Variants in MCUB observed in about 807,000 individuals in gnomAD.
The protein encoded by MCUB is mitochondrial calcium uniporter dominant negative subunit beta.
MCUB carries 46 observed loss-of-function variants against 41.4 expected under a neutral mutation model. The ratio of observed to expected loss-of-function variants is 1.11; its 90% CI spans 0.88 to 1.42. The LOEUF (loss-of-function observed/expected upper bound fraction) is 1.42, where lower values mean the gene tolerates loss of function less well. Among genes scored for constraint, MCUB ranks in the 40% most tolerant of loss-of-function variants. The pLI, the probability that MCUB is intolerant of heterozygous loss-of-function variation, is 0.00. For missense variants in MCUB, 403 were observed against 404.9 expected (o/e 1.00, Z 0.04); for synonymous variants, 148 against 148.2 (o/e 1.00, Z 0.01).
chr4:109,585,204 G>A (rs574081257), intron 1 of MCUB, among the ~76,000 whole-genome samples: 2 of 152,076 alleles, frequency 1.3e-5, no homozygotes, highest in Non-Finnish European at 2.9e-5. Context: ...TTAGGCAATG[G>A]CCTTCTTTGT....
chr4:109,682,716 A>G lies in MCUB; in HGVS notation c.586A>G (p.Lys196Glu). 1 of 1,613,890 alleles carries G rather than the reference A, an allele frequency of 6.2e-7. No homozygotes were observed. The highest frequency in any genetic ancestry group is 8.5e-7 in the Non-Finnish European group (1 of 1,179,796). The change falls in exon 5 of 8, where the codon AAG becomes GAG. Residue 196 changes from lysine to glutamate, a missense_variant. By Grantham distance (56) the Lys-to-Glu change is moderately conservative. Transcript: ENST00000394650. ...HHLLEKIDHL[K>E]EQLQPLEQVK... The stretch of plus-strand genomic sequence containing the variant: ...TTTACTGGAGAAAATTGACCACCTG[A>G]AGGAACAGCTGCAGCCCCTTGAACA...
intron 1 of MCUB, among the ~76,000 whole-genome samples, chr4:109,589,954 C>G (rs897125588): frequency 5.3e-5 from 8 of 152,158 alleles, no homozygotes; most frequent in Non-Finnish European, 1.5e-5. Context: ...GTGTTTCTTT[C>G]CTCTAGTTGA....
intron 1 of MCUB, among the ~76,000 whole-genome samples, chr4:109,592,445 A>G (rs1472936597): frequency 1.3e-5 from 2 of 151,976 alleles, no homozygotes; most frequent in Non-Finnish European, 2.9e-5. Context: ...ATATTTATGT[A>G]TGTTTTATAA....
At chr4:109,579,131 T>C (rs1318744758) in intron 1 of MCUB, among the ~76,000 whole-genome samples, 1 of 152,224 alleles carries the variant, frequency 6.6e-6, no homozygotes, top group Admixed American at 6.5e-5. Flanking sequence ...TCAGGGACCA[T>C]GTGTGATACT....
intron 1 of MCUB, among the ~76,000 whole-genome samples, chr4:109,637,235 C>T: frequency 6.6e-6 from 1 of 152,112 alleles, no homozygotes; most frequent in African/African-American, 2.4e-5. Context: ...AATGTGTCAG[C>T]CCTATGGGGA....
chr4:109,624,915 G>A (rs1728329688), intron 1 of MCUB, among the ~76,000 whole-genome samples: 1 of 152,134 alleles, frequency 6.6e-6, no homozygotes, highest in Admixed American at 6.6e-5. Context: ...CAAGGTGGGT[G>A]GATCATTTGA....
At chr4:109,623,374 T>C (rs1728293920) in intron 1 of MCUB, among the ~76,000 whole-genome samples, 1 of 152,212 alleles carries the variant, frequency 6.6e-6, no homozygotes, top group Non-Finnish European at 1.5e-5. Flanking sequence ...GATGATCCTA[T>C]TATACACAAG....
chr4:109,642,098 T>G (rs1728727474), intron 1 of MCUB, among the ~76,000 whole-genome samples: 1 of 152,154 alleles, frequency 6.6e-6, no homozygotes, highest in Non-Finnish European at 1.5e-5. Flanking sequence ...ATTTTTGGAG[T>G]TGTTTTTGGA....
chr4:109,612,162 A>G (rs892633412), intron 1 of MCUB, among the ~76,000 whole-genome samples: 3 of 151,682 alleles, frequency 2.0e-5, no homozygotes, highest in Non-Finnish European at 2.9e-5. Flanking sequence ...TTGTTTTCCT[A>G]TTGAGGGCTC....
At chr4:109,598,784 A>G (rs1164728256) in intron 1 of MCUB, among the ~76,000 whole-genome samples, 2 of 152,236 alleles carry the variant, frequency 1.3e-5, no homozygotes, top group East Asian at 3.8e-4. Context: ...TCCTTTTAAA[A>G]TACATATATG....
At chr4:109,564,817 G>A (rs533448632) in intron 1 of MCUB, among the ~76,000 whole-genome samples, 2 of 152,344 alleles carry the variant, frequency 1.3e-5, no homozygotes, top group South Asian at 2.1e-4. Context: ...TTTAGAGCAG[G>A]TGAGGGCAGC....
At position 109,660,377 on chromosome 4, in the gene MCUB, T is replaced by C; in HGVS notation, c.346+12T>C. ...CATCTTCACAGCAGGTATATATGTA[T>C]ATAATTTTACAACTTTGTCCCAGGG... On this transcript the variant is annotated intron_variant, in intron 3 of 7. Coordinates refer to ENST00000394650, the MANE Select transcript of MCUB (RefSeq NM_017918.5). 4.0e-6 allele frequency: 6 copies of C among 1,514,268 alleles called. No individual in the cohort carries two copies. Among genetic ancestry groups the C allele is most frequent in the Non-Finnish European group, 4.5e-6 (5 of 1,107,688 alleles). 93.8% of individuals were successfully genotyped at this position (1,514,268 alleles called of 1,614,324 possible). A position where few individuals can be genotyped will look rare whatever the true frequency, so the allele number is the denominator to read the frequency against.
At chr4:109,673,498 T>G (rs1035512512) in intron 4 of MCUB, among the ~76,000 whole-genome samples, 1 of 152,194 alleles carries the variant, frequency 6.6e-6, no homozygotes, top group Non-Finnish European at 1.5e-5. Context: ...CCTCAGCTTA[T>G]GAAAACTGTA....
intron 1 of MCUB, among the ~76,000 whole-genome samples, chr4:109,631,851 C>T (rs1728480901): frequency 6.6e-6 from 1 of 152,186 alleles, no homozygotes; most frequent in African/African-American, 2.4e-5. Context: ...CTTTCTCTCC[C>T]CACCTGCAGG....
At chr4:109,622,969 C>A (rs1483121695) in intron 1 of MCUB, among the ~76,000 whole-genome samples, 1 of 152,154 alleles carries the variant, frequency 6.6e-6, no homozygotes, top group Non-Finnish European at 1.5e-5. Flanking sequence ...GTGTTTCGCG[C>A]TTTTGCATCC....
intron 1 of MCUB, among the ~76,000 whole-genome samples, chr4:109,614,741 G>C (rs771589826): frequency 6.6e-6 from 1 of 151,490 alleles, no homozygotes; most frequent in African/African-American, 2.4e-5. Context: ...CTGATGTCCT[G>C]CCCTGTGGAC....
At chr4:109,584,570 G>T (rs1054005811) in intron 1 of MCUB, among the ~76,000 whole-genome samples, 4 of 152,082 alleles carry the variant, frequency 2.6e-5, no homozygotes, top group Non-Finnish European at 4.4e-5. Context: ...GATCTTTCTT[G>T]CTGTCTCTTG....
rs11945783 is a variant in MCUB at position 109,610,179 on chromosome 4, C to T, written c.100-48832C>T. Among the ~76,000 whole-genome samples the T allele has an allele frequency of 8.2e-3, 1,250 of 152,256 alleles. 17 individuals carry two copies. The highest frequency in any genetic ancestry group is 0.028 in the African/African-American group (1,161 of 41,536). ...ACTCTACTCTTCAGGTAAGTGGGCT[C>T]GCCTCTGGCCTAGAGTAGGTCCAGA... On this transcript the variant is annotated intron_variant, in intron 1 of 7. Coordinates refer to ENST00000394650, the MANE Select transcript of MCUB (RefSeq NM_017918.5).
At chr4:109,598,012 A>G (rs1239576938) in intron 1 of MCUB, among the ~76,000 whole-genome samples, 16 of 147,668 alleles carry the variant, frequency 1.1e-4, no homozygotes, top group Admixed American at 8.7e-4. Flanking sequence ...CCGGGCAGAG[A>G]CGCTCTTCAC....
Sources: allele counts gnomAD v4.1 joint callset (sites outside exome capture counted in the v4.1 genomes callset), GRCh38; gene constraint gnomAD v4.1.1; transcripts MANE v1.5; gene names NCBI Gene and HGNC (gene_info 2026-07-23, HGNC 2026-07-21).